SSH2: variants seen among roughly 807,000 people sequenced by gnomAD.
SSH2 encodes slingshot protein phosphatase 2, also known as protein phosphatase Slingshot homolog 2.
In SSH2, 37 loss-of-function variants were observed where a neutral mutation model predicts 135.2. That is an observed-to-expected ratio of 0.27 (90% confidence interval 0.21 to 0.36). The LOEUF (loss-of-function observed/expected upper bound fraction) is 0.36, where lower values mean the gene tolerates loss of function less well. SSH2 is among the 10% of genes least tolerant of loss of function. SSH2 has a pLI of 1.00. For synonymous variants in SSH2, 628 were observed against 646.2 expected (o/e 0.97, Z 0.43); for missense variants, 1,408 against 1,765.3 (o/e 0.80, Z 3.63).
chr17:29,902,929 T>C (rs1272449219), intron 1 of SSH2, among the ~76,000 whole-genome samples: 1 of 152,090 alleles, frequency 6.6e-6, no homozygotes, highest in East Asian at 1.9e-4. Context: ...CTCACACCTG[T>C]AATATGAACA....
intron 12 of SSH2, among the ~76,000 whole-genome samples, chr17:29,652,847 G>A (rs549933136): frequency 6.6e-6 from 1 of 152,120 alleles, no homozygotes; most frequent in East Asian, 1.9e-4. Flanking sequence ...TAGTAGAGAT[G>A]CTGTTTCACC....
At chr17:29,723,048 A>G (rs1001233824) in intron 3 of SSH2, among the ~76,000 whole-genome samples, 1 of 152,164 alleles carries the variant, frequency 6.6e-6, no homozygotes, top group Non-Finnish European at 1.5e-5. Context: ...TAAGCTGCCC[A>G]TATGTCTCCA....
At chr17:29,726,875 T>C (rs1397496209) in intron 3 of SSH2, among the ~76,000 whole-genome samples, 1 of 152,210 alleles carries the variant, frequency 6.6e-6, no homozygotes, top group Non-Finnish European at 1.5e-5. Flanking sequence ...AAATAGGTTT[T>C]TTCCACCATC....
chr17:29,761,590 G>T (rs1164368939), intron 3 of SSH2, among the ~76,000 whole-genome samples: 1 of 152,144 alleles, frequency 6.6e-6, no homozygotes, highest in Non-Finnish European at 1.5e-5. Context: ...GCATCCGGCG[G>T]CCCCAAGACA....
chr17:29,728,778 G>T (rs935978785), intron 3 of SSH2, among the ~76,000 whole-genome samples: 1 of 152,138 alleles, frequency 6.6e-6, no homozygotes, highest in Non-Finnish European at 1.5e-5. Context: ...TGACAAAAGT[G>T]TCAAGAACAT....
chr17:29,645,224 G>A (rs1183170037), intron 14 of SSH2: 1 of 152,158 alleles, frequency 6.6e-6, no homozygotes, highest in Non-Finnish European at 1.5e-5. Context: ...GATGGGGTCA[G>A]GTAAGGATGA....
At chr17:29,827,826 G>A (rs1247181901) in intron 2 of SSH2, among the ~76,000 whole-genome samples, 2 of 151,606 alleles carry the variant, frequency 1.3e-5, no homozygotes, top group Admixed American at 6.6e-5. Context: ...TCTGTAATGT[G>A]AATGTTTTTC....
At chr17:29,775,468 C>A (rs1346891154) in intron 3 of SSH2, among the ~76,000 whole-genome samples, 1 of 152,092 alleles carries the variant, frequency 6.6e-6, no homozygotes, top group African/African-American at 2.4e-5. Context: ...TACAACAGAA[C>A]TGCAAATAAT....
At chr17:29,806,813 T>C (rs537609838) in intron 2 of SSH2, among the ~76,000 whole-genome samples, 29 of 152,234 alleles carry the variant, frequency 1.9e-4, no homozygotes, top group Non-Finnish European at 3.4e-4. Context: ...TTAACTGTGA[T>C]CTTAGCTTCA....
chr17:29,799,654 C>T (rs1343954843), intron 2 of SSH2, among the ~76,000 whole-genome samples: 1 of 152,104 alleles, frequency 6.6e-6, no homozygotes, highest in Non-Finnish European at 1.5e-5. Context: ...ATTTTTCTAC[C>T]TATGAGAATT....
chr17:29,761,512 G>C (rs1362252749), intron 3 of SSH2: 1 of 867,342 alleles, frequency 1.2e-6, no homozygotes, highest in East Asian at 1.2e-4. Context: ...GGGTAGGCCC[G>C]GCCGGCGCCC....
Position 29,760,416 on chromosome 17 carries a change from G to C in SSH2, c.188+33478C>G, listed in dbSNP as rs113682480. ...TAAGGATGGAACCTGAATAGGAAAA[G>C]TTCCTCTACTTGATAACTGTGAAGT... On this transcript the variant is annotated intron_variant, in intron 3 of 15. Coordinates refer to ENST00000540801, the MANE Select transcript of SSH2 (RefSeq NM_001282129.2). Among the ~76,000 whole-genome samples the C allele has an allele frequency of 3.2e-3, 486 of 152,282 alleles. 5 individuals are homozygous for C. Among genetic ancestry groups the C allele is most frequent in the African/African-American group, 0.01 (425 of 41,564 alleles).
chr17:29,767,501 T>C (rs2041474473), intron 3 of SSH2, among the ~76,000 whole-genome samples: 1 of 151,824 alleles, frequency 6.6e-6, no homozygotes. Flanking sequence ...AAAATGAAAG[T>C]CACCATTCTC....
chr17:29,686,178 C>T (rs1174659147), intron 5 of SSH2, among the ~76,000 whole-genome samples: 1 of 151,782 alleles, frequency 6.6e-6, no homozygotes, highest in Non-Finnish European at 1.5e-5. Context: ...ATCTTATAAG[C>T]CTTAAAAATA....
chr17:29,753,805 A>AT (rs1281940481), intron 3 of SSH2, among the ~76,000 whole-genome samples: 1 of 152,036 alleles, frequency 6.6e-6, no homozygotes, highest in African/African-American at 2.4e-5. Context: ...AAAAAAAAAA[A>AT]AAAAGAACAA....
intron 3 of SSH2, among the ~76,000 whole-genome samples, chr17:29,705,008 T>G (rs913632573): frequency 6.6e-6 from 1 of 152,204 alleles, no homozygotes; most frequent in Admixed American, 6.5e-5. Flanking sequence ...AATGTTAAAT[T>G]GACGTTGCCA....
At chr17:29,913,347 AAT>A (rs56068605) in intron 1 of SSH2, among the ~76,000 whole-genome samples, 832 of 28,726 alleles carry the variant, frequency 0.029, 42 homozygotes, top group African/African-American at 0.037. Context: ...AAAAAAAAAA[AAT>A]ATATATATAT....
chr17:29,880,217 G>A (rs889897369), intron 1 of SSH2, among the ~76,000 whole-genome samples: 4 of 152,288 alleles, frequency 2.6e-5, no homozygotes, highest in African/African-American at 9.6e-5. Flanking sequence ...GAGCCCCACC[G>A]GGCTCAAATG....
chr17:29,755,609 G>C (rs1198162819), intron 3 of SSH2, among the ~76,000 whole-genome samples: 1 of 151,710 alleles, frequency 6.6e-6, no homozygotes, highest in Non-Finnish European at 1.5e-5. Context: ...TCCTTCCTAG[G>C]AGAGTCCATA....
Sources: gnomAD v4.1 joint callset for allele counts (sites outside exome capture counted in the v4.1 genomes callset) on GRCh38, gnomAD v4.1.1 for gene constraint, MANE v1.5 for transcripts, NCBI Gene and HGNC (gene_info 2026-07-23, HGNC 2026-07-21) for gene names.